Variants in MORC1 observed in about 807,000 individuals in gnomAD.
MORC1 encodes MORC family CW-type zinc finger protein 1.
In MORC1, 59 loss-of-function variants were observed where a neutral mutation model predicts 134.9. That is an observed-to-expected ratio of 0.44 (90% CI 0.35 to 0.54). The LOEUF (loss-of-function observed/expected upper bound fraction) is 0.54. MORC1 is among the 20% of genes least tolerant of loss of function. The pLI, the probability that MORC1 is intolerant of heterozygous loss-of-function variation, is 0.00. For missense variants in MORC1, 947 were observed against 1,134.5 expected, an observed-to-expected ratio of 0.83 and a Z score of 2.37; for synonymous variants, 395 against 391.7, an observed-to-expected ratio of 1.01 and a Z score of -0.10.
chr3:108,982,175 G>C (rs914964430), intron 23 of MORC1, among the ~76,000 whole-genome samples: 1 of 152,184 alleles, frequency 6.6e-6, no homozygotes, highest in Admixed American at 6.5e-5. Context: ...CTGGTCACCA[G>C]AGAAATGCAA....
chr3:109,010,195 G>C (rs549307517), intron 17 of MORC1, among the ~76,000 whole-genome samples: 11 of 151,970 alleles, frequency 7.2e-5, no homozygotes, highest in Non-Finnish European at 1.3e-4. Flanking sequence ...TCAGCTTGTG[G>C]GCCATAAATG....
At chr3:109,019,121 T>G (rs1388549658) in intron 17 of MORC1, 3 of 152,208 alleles carry the variant, frequency 2.0e-5, no homozygotes, top group Admixed American at 6.5e-5. Flanking sequence ...AGTCTTAATC[T>G]TCTTCTTTTC....
At chr3:109,101,276 C>G (rs1487924703) in intron 4 of MORC1, among the ~76,000 whole-genome samples, 1 of 152,158 alleles carries the variant, frequency 6.6e-6, no homozygotes, top group Non-Finnish European at 1.5e-5. Context: ...AGCCCTTAAC[C>G]AGGCCCATGT....
chr3:108,994,482 T>C (rs1446628554), intron 21 of MORC1, among the ~76,000 whole-genome samples: 1 of 152,080 alleles, frequency 6.6e-6, no homozygotes. Context: ...GATTCTTTCA[T>C]GTCTTAGCAA....
intron 23 of MORC1, 53 bp from the exon 24 acceptor site, chr3:108,979,720 A>C (rs1947660588): frequency 3.8e-6 from 6 of 1,586,342 alleles, no homozygotes; most frequent in Non-Finnish European, 8.6e-7. Context: ...ATAATTTCAG[A>C]AACACTAATA....
At chr3:108,977,539 G>A (rs1170136936) in intron 24 of MORC1, among the ~76,000 whole-genome samples, 2 of 151,926 alleles carry the variant, frequency 1.3e-5, no homozygotes, top group East Asian at 1.9e-4. Context: ...TTATTAAGAA[G>A]GCCTGATTCA....
chr3:109,020,764 C>CAAAAAAAAAAAAAAAA (rs66700715), intron 17 of MORC1, among the ~76,000 whole-genome samples: 7 of 78,434 alleles, frequency 8.9e-5, no homozygotes, highest in African/African-American at 2.0e-4. Flanking sequence ...GACTCTGTCT[C>CAAAAAAAAAAAAAAAA]AAAAAAAAAA....
At chr3:109,053,986 A>G (rs905221610) in intron 14 of MORC1, among the ~76,000 whole-genome samples, 4 of 152,160 alleles carry the variant, frequency 2.6e-5, no homozygotes, top group Non-Finnish European at 4.4e-5. Flanking sequence ...TATGCAAAAC[A>G]AAGTCTAACA....
intron 3 of MORC1, among the ~76,000 whole-genome samples, chr3:109,104,154 A>C (rs1027864714): frequency 3.3e-5 from 5 of 152,156 alleles, no homozygotes. Flanking sequence ...CATGTGAAAA[A>C]ATTATGTATA....
At position 108,959,023 on chromosome 3, in the gene MORC1, GTTACT is replaced by G; in HGVS notation, c.2892_2896del (p.Lys964AsnfsTer7). 6.4e-7 allele frequency: 1 copy of G among 1,550,506 alleles called. No individual in the cohort carries two copies. Among genetic ancestry groups the G allele is most frequent in the Non-Finnish European group, 8.7e-7 (1 of 1,149,310 alleles). On this transcript the variant is annotated frameshift_variant, in exon 28 of 28. Transcript: ENST00000232603. LOFTEE classifies it low-confidence loss of function (END_TRUNC). ...AGGGAGTCTATGTCTTGCATCTATA[GTTACT>G]TTATTTAAATTGTTCTGGAAGAGAA...
chr3:108,973,742 G>A (rs974292734), intron 24 of MORC1, among the ~76,000 whole-genome samples: 2 of 151,478 alleles, frequency 1.3e-5, no homozygotes, highest in South Asian at 2.1e-4. Flanking sequence ...GATTACAGGC[G>A]CACGCCACCA....
At chr3:109,075,181 T>A (rs1202502029) in intron 8 of MORC1, among the ~76,000 whole-genome samples, 1 of 152,172 alleles carries the variant, frequency 6.6e-6, no homozygotes, top group Non-Finnish European at 1.5e-5. Flanking sequence ...TGCTGATAGA[T>A]CATGCCATTA....
At chr3:109,084,132 T>C (rs952010728) in intron 8 of MORC1, among the ~76,000 whole-genome samples, 8 of 152,140 alleles carry the variant, frequency 5.3e-5, no homozygotes, top group Non-Finnish European at 1.0e-4. Flanking sequence ...CCACTTTTAT[T>C]CATAATACTG....
chr3:108,995,547 T>C (rs1403945525), intron 21 of MORC1, among the ~76,000 whole-genome samples: 1 of 152,238 alleles, frequency 6.6e-6, no homozygotes, highest in Non-Finnish European at 1.5e-5. Flanking sequence ...ACCACAACCA[T>C]ATTACTAGAG....
chr3:109,061,912 A>C, intron 11 of MORC1, 76 bp downstream of exon 11: 1 of 1,293,474 alleles, frequency 7.7e-7, no homozygotes, highest in Middle Eastern at 1.9e-4. Flanking sequence ...GTAGATGATA[A>C]GAGACAACTA....
chr3:109,023,079 A>T (rs931986691), intron 17 of MORC1, among the ~76,000 whole-genome samples: 5 of 152,164 alleles, frequency 3.3e-5, no homozygotes. Flanking sequence ...TACTTTTCCA[A>T]GTAGGTAAAT....
chr3:109,097,763 T>G (rs1950854940), intron 6 of MORC1, among the ~76,000 whole-genome samples: 1 of 152,142 alleles, frequency 6.6e-6, no homozygotes, highest in African/African-American at 2.4e-5. Flanking sequence ...AATGATTAAT[T>G]TTAGGGGAAA....
intron 24 of MORC1, among the ~76,000 whole-genome samples, chr3:108,974,050 C>G (rs112538003): frequency 6.6e-5 from 10 of 152,232 alleles, no homozygotes; most frequent in African/African-American, 2.2e-4. Flanking sequence ...CCCACCCCCC[C>G]ACCAGGCCCA....
At chr3:109,034,889 C>T (rs1366221272) in intron 15 of MORC1, among the ~76,000 whole-genome samples, 1 of 152,112 alleles carries the variant, frequency 6.6e-6, no homozygotes, top group Non-Finnish European at 1.5e-5. Flanking sequence ...GCTGCGACCA[C>T]AGGTGTGCAC....
Sources: allele counts gnomAD v4.1 joint callset (sites outside exome capture counted in the v4.1 genomes callset), GRCh38; gene constraint gnomAD v4.1.1; transcripts MANE v1.5; gene names NCBI Gene and HGNC (gene_info 2026-07-23, HGNC 2026-07-21).